The following CC2D1B variants were observed in gnomAD, a reference collection of about 807,000 sequenced individuals.
CC2D1B encodes the protein coiled-coil and C2 domain-containing protein 1B.
In CC2D1B, 92 loss-of-function variants were observed where a neutral mutation model predicts 110.8. The ratio of observed to expected loss-of-function variants is 0.83; its 90% CI spans 0.70 to 0.99. CC2D1B has a LOEUF of 0.99. Among genes scored for constraint, CC2D1B ranks in the 50% least tolerant of loss-of-function variants. The pLI is 0.00. For synonymous variants in CC2D1B, 406 were observed against 429.2 expected (o/e 0.95, Z 0.67); for missense variants, 1,136 against 1,089.0 (o/e 1.04, Z -0.61).
intron 17 of CC2D1B, 33 bp downstream of exon 17, chr1:52,356,350 AC>A (rs765849518): frequency 6.2e-7 from 1 of 1,613,718 alleles, no homozygotes; most frequent in Non-Finnish European, 8.5e-7. Flanking sequence ...TCTGCTCCCC[AC>A]CCTATGAGCC....
rs139930404 is a variant in CC2D1B at position 52,358,720 on chromosome 1, C to T, written c.1296G>A (p.Arg432=). Residue 432 remains arginine, a synonymous_variant, in exon 12 of 25, where the codon CGG becomes CGA. Transcript: ENST00000284376. ...CAGGCAATTCAGCAAAGTTGACTTTCCGTCCTGCTCGGTGTGCTCGAATAG... is the reference window on the plus strand; with the variant it reads ...CAGGCAATTCAGCAAAGTTGACTTTTCGTCCTGCTCGGTGTGCTCGAATAG... ...QDAIRAHRAG[R]KVNFAELPVP... is the part of the protein sequence containing the mutation. The T allele has an allele frequency of 1.8e-4, 286 of 1,613,416 alleles. 1 individual carries two copies. In the South Asian group the frequency reaches 2.8e-3, roughly 16 times the overall value.
intron 2 of CC2D1B, 60 bp downstream of exon 2, chr1:52,364,492 G>C: frequency 8.6e-7 from 1 of 1,169,160 alleles, no homozygotes. Flanking sequence ...GTTTGCCTAA[G>C]TTGTCTAGGG....
At position 52,364,598 on chromosome 1, in the gene CC2D1B, C is replaced by T. The variant is rs755099895; in HGVS notation, c.23G>A (p.Arg8Gln). ...TTGGCCTCTGGCCTGAGGGCCCTTC[C>T]GAGGTCTTGGCCCTGGCATCATGGC... The part of the protein sequence containing the change: MMPGPRP[R>Q]KGPQARGQGV... Residue 8 changes from arginine (R) to glutamine (Q), a missense_variant, in exon 2 of 25, where the codon CGG (arginine) becomes CAG (glutamine). Arg to Gln is a conservative substitution (Grantham distance 43). Transcript: ENST00000284376. 9.3e-6 allele frequency: 15 copies of T among 1,608,304 alleles called. No individual in the cohort carries two copies. Among genetic ancestry groups the T allele is most frequent in the South Asian group, 7.7e-5 (7 of 90,658 alleles).
intron 1 of CC2D1B, among the ~76,000 whole-genome samples, chr1:52,365,335 C>T (rs1230963735): frequency 6.6e-6 from 1 of 152,240 alleles, no homozygotes; most frequent in Admixed American, 6.5e-5. Context: ...CATGGGTGCC[C>T]TGAGGTGACC....
At chr1:52,362,464 T>C in intron 3 of CC2D1B, 138 bp downstream of exon 3, 1 of 1,052,288 alleles carries the variant, frequency 9.5e-7, no homozygotes, top group Non-Finnish European at 1.4e-6. Context: ...AGGCCGCCTC[T>C]TGGTGGGAGT....
chr1:52,356,766 A>G (rs1402665156), intron 16 of CC2D1B: 3 of 598,656 alleles, frequency 5.0e-6, no homozygotes, highest in Non-Finnish European at 8.8e-6. Flanking sequence ...CGCACATCAC[A>G]ATGTTCTTTC....
At chr1:52,364,499 A>T in intron 2 of CC2D1B, 53 bp downstream of exon 2, 1 of 1,278,252 alleles carries the variant, frequency 7.8e-7, no homozygotes, top group Non-Finnish European at 1.1e-6. Flanking sequence ...TAAGTTGTCT[A>T]GGGACCCCCA....
chr1:52,356,591 G>T, intron 16 of CC2D1B, 149 bp from the exon 17 acceptor site: 1 of 750,714 alleles, frequency 1.3e-6, no homozygotes, highest in Non-Finnish European at 2.2e-6. Flanking sequence ...CTACTCCCAA[G>T]TCCCACCACG....
At chr1:52,353,675 T>G in intron 23 of CC2D1B, 28 bp from the exon 24 acceptor site, 1 of 1,537,172 alleles carries the variant, frequency 6.5e-7, no homozygotes, top group Non-Finnish European at 8.8e-7. Flanking sequence ...AGGGAAATGG[T>G]AACTAAGGGG....
chr1:52,353,757 A>C, intron 23 of CC2D1B, 110 bp from the exon 24 acceptor site: 1 of 747,626 alleles, frequency 1.3e-6, no homozygotes, highest in Non-Finnish European at 2.2e-6. Context: ...GTCCTGTGGC[A>C]TGAACACAGG....
chr1:52,360,412 AG>A lies in CC2D1B; in HGVS notation c.603+11del, dbSNP rs1445275016. On this transcript the variant is annotated intron_variant, in intron 6 of 24. Coordinates refer to ENST00000284376, the MANE Select transcript of CC2D1B (RefSeq NM_001330585.2). ...CCCTCCCCTGCCCTGCTCCCAGCCTAGCCCGACTCACCTTCAGGCCGCGCTC... is the reference window on the plus strand; with the variant it reads ...CCCTCCCCTGCCCTGCTCCCAGCCTACCCGACTCACCTTCAGGCCGCGCTC... 1.2e-6 allele frequency: 2 copies of A among 1,612,656 alleles called. No homozygotes were observed. Among genetic ancestry groups the A allele is most frequent in the Non-Finnish European group, 1.7e-6 (2 of 1,179,602 alleles).
rs939602884 is a variant in CC2D1B at position 52,355,513 on chromosome 1, T to G, written c.2188-64A>C. 5.6e-6 allele frequency: 9 copies of G among 1,607,526 alleles called. No homozygotes were observed. In the South Asian group the frequency reaches 7.7e-5, roughly 14 times the overall value. On this transcript the variant is annotated intron_variant, in intron 20 of 24. Coordinates refer to ENST00000284376, the MANE Select transcript of CC2D1B (RefSeq NM_001330585.2). The stretch of plus-strand genomic sequence containing the variant: ...ACAAAGAGGCACACAGGGCAGGCAC[T>G]GCAGCCACACCTCCCAGGGATGGGA...
chr1:52,361,243 C>T, intron 4 of CC2D1B, 111 bp from the exon 5 acceptor site: 3 of 1,372,654 alleles, frequency 2.2e-6, no homozygotes, highest in Non-Finnish European at 3.0e-6. Flanking sequence ...ACGTCAGTCA[C>T]TGTGCCTGAG....
rs149266251 is a variant in CC2D1B, at chr1:52,358,427, C to G, written c.1365G>C (p.Met455Ile). The change falls in exon 13 of 25, where the codon ATG becomes ATC. Residue 455 changes from methionine (M) to isoleucine (I), a missense_variant. Transcript: ENST00000284376. ...CTGCCACTGCGTCCTCCTCAACACC[C>G]ATAGTGGACTCCAGGCCAGGGATGG... ...FPPIPGLEST[M>I]GVEEDAVAAT... is the part of the protein sequence containing the mutation. The G allele has an allele frequency of 1.2e-5, 20 of 1,613,962 alleles. No homozygotes were observed. The African/African-American group carries it at 2.4e-4, about 19-fold the overall frequency.
intron 2 of CC2D1B, among the ~76,000 whole-genome samples, chr1:52,363,797 C>T (rs1569873956): frequency 6.6e-6 from 1 of 152,106 alleles, no homozygotes; most frequent in East Asian, 1.9e-4. Flanking sequence ...TCTCCTGCCT[C>T]AGCCTCCCAA....
At chr1:52,359,384 G>C (rs1557549776) in intron 9 of CC2D1B, 27 bp from the exon 10 acceptor site, 2 of 1,613,122 alleles carry the variant, frequency 1.2e-6, no homozygotes, top group Middle Eastern at 1.7e-4. Flanking sequence ...AGAGGTGTAG[G>C]TGGGAGGGCC....
rs1415108276 is a variant in CC2D1B at position 52,355,423 on chromosome 1, A to G, written c.2214T>C (p.Ala738=). ...CTGGAGAGTTTGTGTTCTTCACCACAGCTGTTTTGCTTTTTTGAGCCTGGT... is the reference window on the plus strand; with the variant it reads ...CTGGAGAGTTTGTGTTCTTCACCACGGCTGTTTTGCTTTTTTGAGCCTGGT... ...NSDQAQKSKT[A]VVKNTNSPEF... The change falls in exon 21 of 25, where the codon GCT becomes GCC. Residue 738 remains alanine, a synonymous_variant. Coordinates refer to ENST00000284376, the MANE Select transcript of CC2D1B (RefSeq NM_001330585.2). 1 of 1,614,180 alleles carries G rather than the reference A, an allele frequency of 6.2e-7. No homozygotes were observed. The highest frequency in any genetic ancestry group is 8.5e-7 in the Non-Finnish European group (1 of 1,180,024).
At chr1:52,355,133 G>A (rs6588428) in intron 21 of CC2D1B, among the ~76,000 whole-genome samples, 194 bp from the exon 22 acceptor site, 34,375 of 152,124 alleles carry the variant, frequency 0.23, 7,986 homozygotes, top group African/African-American at 0.6. Context: ...GTCATAGATT[G>A]TAACAAAGTA....
chr1:52,361,478 C>T (rs1450740666), intron 4 of CC2D1B, 35 bp downstream of exon 4: 5 of 1,612,860 alleles, frequency 3.1e-6, no homozygotes, highest in Non-Finnish European at 4.2e-6. Context: ...CCAAGCTTGC[C>T]TCAGAGCCCT....
Sources: gnomAD v4.1 joint callset for allele counts (sites outside exome capture counted in the v4.1 genomes callset) on GRCh38, gnomAD v4.1.1 for gene constraint, MANE v1.5 for transcripts, NCBI Gene and HGNC (gene_info 2026-07-23, HGNC 2026-07-21) for gene names.